Variants in HPS6 observed in about 807,000 individuals in gnomAD.
HPS6 encodes the protein HPS6 biogenesis of lysosomal organelles complex 2 subunit 3.
Under a neutral mutation model 53.6 loss-of-function variants are expected in HPS6, and 46 were observed. The ratio of observed to expected loss-of-function variants is 0.86; its 90% confidence interval spans 0.68 to 1.10. The LOEUF (loss-of-function observed/expected upper bound fraction) is 1.10, where lower values mean the gene tolerates loss of function less well. HPS6 is among the 50% of genes least tolerant of loss of function. The probability of loss-of-function intolerance (pLI) is 0.00; values close to 1 mark genes in which losing one functional copy is unlikely to be tolerated. For synonymous variants in HPS6, 535 were observed against 470.8 expected, an observed-to-expected ratio of 1.14 and a Z score of -1.77; for missense variants, 1,034 against 991.3, an observed-to-expected ratio of 1.04 and a Z score of -0.58.
In HPS6 at chr10:102,066,068, A is replaced by G. The variant is rs890991367; in HGVS notation, c.594A>G (p.Arg198=). The change falls in exon 1 of 1, where the codon AGA becomes AGG. Residue 198 remains arginine (R), a synonymous_variant. Coordinates refer to ENST00000299238, the MANE Select transcript of HPS6 (RefSeq NM_024747.6). ...CPAFGLLASC[R]QLFLVPTATT... ...CCTTCGGGCTGCTGGCCTCCTGCAG[A>G]CAACTCTTCCTGGTGCCCACTGCCA... The G allele has an allele frequency of 6.2e-7, 1 of 1,612,010 alleles. No homozygotes were observed. The highest frequency in any genetic ancestry group is 8.5e-7 in the Non-Finnish European group (1 of 1,180,012).
In HPS6 at chr10:102,067,252, C is replaced by T. The variant is rs144363206; in HGVS notation, c.1778C>T (p.Pro593Leu). Reference sequence around the variant, plus strand: ...GAGCTGGCACAGCAGCAGGGCGGGCCGGGCTGGGGGGCAGGGGGCCCAGGA... The same window carrying T: ...GAGCTGGCACAGCAGCAGGGCGGGCTGGGCTGGGGGGCAGGGGGCCCAGGA... Reference protein sequence around the residue: ...FVELAQQQGGPGWGAGGPGLP... With the variant: ...FVELAQQQGGLGWGAGGPGLP... Residue 593 changes from proline to leucine, a missense_variant, in exon 1 of 1, where the codon CCG (proline) becomes CTG (leucine). Pro to Leu is a moderately conservative substitution (Grantham distance 98). Transcript: ENST00000299238. The T allele has an allele frequency of 1.9e-4, 198 of 1,023,834 alleles. No homozygotes were observed. The highest frequency in any genetic ancestry group is 1.3e-3 in the African/African-American group (79 of 61,686). 63.4% of individuals were successfully genotyped at this position (1,023,834 alleles called of 1,614,324 possible).
At position 102,065,951 on chromosome 10, in the gene HPS6, C is replaced by T. The variant is rs373651902; in HGVS notation, c.477C>T (p.Phe159=). ...EGPSGSPAAA[F]SHCVCVRTLE... ...CGTCAGGGTCGCCAGCAGCCGCTTT[C>T]AGCCACTGTGTGTGCGTCCGGACTC... The change falls in exon 1 of 1, where the codon TTC becomes TTT. Residue 159 remains phenylalanine, a synonymous_variant. Transcript: ENST00000299238. 1.1e-5 allele frequency: 17 copies of T among 1,590,966 alleles called. No homozygotes were observed. The highest frequency in any genetic ancestry group is 3.3e-5 in the South Asian group (3 of 90,010).
At position 102,066,227 on chromosome 10, in the gene HPS6, C is replaced by G. The variant is rs2067968935; in HGVS notation, c.753C>G (p.Phe251Leu). The G allele has an allele frequency of 6.2e-7, 1 of 1,613,818 alleles. No individual in the cohort carries two copies. The highest frequency in any genetic ancestry group is 8.5e-7 in the Non-Finnish European group (1 of 1,180,020). The change falls in exon 1 of 1, where the codon TTC becomes TTG. Residue 251 changes from phenylalanine (F) to leucine (L), a missense_variant. Physicochemically the swap from Phe to Leu is conservative, Grantham distance 22. Transcript: ENST00000299238. Reference sequence around the variant, plus strand: ...CTGGACGAGGGGACACATGGGACTTCCGGACCCTGCTCCGAGGCCTTCCTG... The same window carrying G: ...CTGGACGAGGGGACACATGGGACTTGCGGACCCTGCTCCGAGGCCTTCCTG... ...LNPGRGDTWD[F>L]RTLLRGLPGL...
chr10:102,066,700 G>A lies in HPS6; in HGVS notation c.1226G>A (p.Gly409Glu). The A allele has an allele frequency of 6.2e-7, 1 of 1,613,940 alleles. No homozygotes were observed. The highest frequency in any genetic ancestry group is 8.5e-7 in the Non-Finnish European group (1 of 1,179,996). Residue 409 changes from glycine to glutamate, a missense_variant, in exon 1 of 1, where the codon GGG becomes GAG. By Grantham distance (98) the Gly-to-Glu change is moderately conservative. Transcript: ENST00000299238. Reference sequence around the variant, plus strand: ...GATCTGGTGTTTGAGGAGGCCTGCGGGTACTACCAGCGGCGGAGCCTGCGG... The same window carrying A: ...GATCTGGTGTTTGAGGAGGCCTGCGAGTACTACCAGCGGCGGAGCCTGCGG... ...AKDLVFEEAC[G>E]YYQRRSLRGA...
Position 102,067,024 on chromosome 10 carries a change from C to G in HPS6, c.1550C>G (p.Ala517Gly), listed in dbSNP as rs2067976589. 6.2e-7 allele frequency: 1 copy of G among 1,614,064 alleles called. No individual in the cohort carries two copies. Among genetic ancestry groups the G allele is most frequent in the Non-Finnish European group, 8.5e-7 (1 of 1,180,028 alleles). ...GTTTTCCAAGCCCTTCCTACAGCAG[C>G]CTGGGGTGCCACCCTCAGGGCCCTG... Reference protein sequence around the residue: ...NTVFQALPTAAWGATLRALQL... With the variant: ...NTVFQALPTAGWGATLRALQL... Residue 517 changes from alanine (A) to glycine (G), a missense_variant, in exon 1 of 1, where the codon GCC becomes GGC. By Grantham distance (60) the Ala-to-Gly change is moderately conservative. Coordinates refer to ENST00000299238, the MANE Select transcript of HPS6 (RefSeq NM_024747.6).
Position 102,065,724 on chromosome 10 carries a change from C to T in HPS6, c.250C>T (p.Leu84=), listed in dbSNP as rs577275873. The change falls in exon 1 of 1, where the codon CTG becomes TTG. Residue 84 remains leucine, a synonymous_variant. Coordinates refer to ENST00000299238, the MANE Select transcript of HPS6 (RefSeq NM_024747.6). Reference sequence around the variant, plus strand: ...GCCCTCCCCGCTGGACGCCTTCTTCCTGCCGTGGCCAGCGCGGCCGGCGCT... The same window carrying T: ...GCCCTCCCCGCTGGACGCCTTCTTCTTGCCGTGGCCAGCGCGGCCGGCGCT... ...GQPSPLDAFF[L]PWPARPALVL... 3.7e-5 allele frequency: 56 copies of T among 1,503,674 alleles called. No homozygotes were observed. The highest frequency in any genetic ancestry group is 4.7e-5 in the Non-Finnish European group (53 of 1,134,246). 93.1% of individuals were successfully genotyped at this position (1,503,674 alleles called of 1,614,324 possible).
In HPS6 at chr10:102,066,085, C is replaced by T. The variant is rs1358522846; in HGVS notation, c.611C>T (p.Pro204Leu). The T allele has an allele frequency of 1.2e-6, 2 of 1,612,920 alleles. No homozygotes were observed. Among genetic ancestry groups the T allele is most frequent in the African/African-American group, 1.3e-5 (1 of 74,954 alleles). Residue 204 changes from proline to leucine, a missense_variant, in exon 1 of 1, where the codon CCC (proline) becomes CTC (leucine). By Grantham distance (98) the Pro-to-Leu change is moderately conservative. Coordinates refer to ENST00000299238, the MANE Select transcript of HPS6 (RefSeq NM_024747.6). Reference sequence around the variant, plus strand: ...TCCTGCAGACAACTCTTCCTGGTGCCCACTGCCACCACCTGGCCTGGCGTG... The same window carrying T: ...TCCTGCAGACAACTCTTCCTGGTGCTCACTGCCACCACCTGGCCTGGCGTG... ...LASCRQLFLVPTATTWPGVAH... is the reference protein window; with the variant it reads ...LASCRQLFLVLTATTWPGVAH...
Position 102,067,368 on chromosome 10 carries a change from CG to C in HPS6, c.1896del (p.Pro633LeufsTer76), listed in dbSNP as rs1564899969. ...GCTAGAGCTGCTCTTGAGCAGTGGG[CG>C]GCCTAAAGCTGTGCTCCAAGCTGTC... is the stretch of plus-strand genomic sequence containing the variant. ...LELELLLSSG[R>X]PKAVLQAVGQ... On this transcript the variant is annotated frameshift_variant, in exon 1 of 1. Coordinates refer to ENST00000299238, the MANE Select transcript of HPS6 (RefSeq NM_024747.6). LOFTEE classifies it high-confidence loss of function. The C allele has an allele frequency of 6.2e-7, 1 of 1,612,800 alleles. No homozygotes were observed. Among genetic ancestry groups the C allele is most frequent in the Admixed American group, 1.7e-5 (1 of 60,032 alleles).
At position 102,065,706 on chromosome 10, in the gene HPS6, C is replaced by A; in HGVS notation, c.232C>A (p.Pro78Thr). The A allele has an allele frequency of 1.3e-6, 2 of 1,509,258 alleles. No individual in the cohort carries two copies. Among genetic ancestry groups the A allele is most frequent in the East Asian group, 2.7e-5 (1 of 37,554 alleles). The allele number at this position is 1,509,258 out of a possible 1,614,324, so 93.5% of individuals were successfully genotyped here. Residue 78 changes from proline (P) to threonine (T), a missense_variant, in exon 1 of 1, where the codon CCG (proline) becomes ACG (threonine). Physicochemically the swap from Pro to Thr is conservative, Grantham distance 38. Transcript: ENST00000299238. The part of the protein sequence containing the change: ...ERAWPAGQPS[P>T]LDAFFLPWPA... ...GGCCTGGCCGGCCGGCCAGCCCTCC[C>A]CGCTGGACGCCTTCTTCCTGCCGTG...
Position 102,066,891 on chromosome 10 carries a change from G to A in HPS6, c.1417G>A (p.Val473Met), listed in dbSNP as rs542540023. ...RGLEQLKAQL[V>M]AGDDEEAGWT... ...CTTAGAACAGCTGAAGGCCCAGCTGGTGGCTGGGGATGATGAGGAGGCTGG... is the reference window on the plus strand; with the variant it reads ...CTTAGAACAGCTGAAGGCCCAGCTGATGGCTGGGGATGATGAGGAGGCTGG... Residue 473 changes from valine (V) to methionine (M), a missense_variant, in exon 1 of 1, where the codon GTG becomes ATG. By Grantham distance (21) the Val-to-Met change is conservative. Transcript: ENST00000299238. 46 of 1,614,104 alleles carry A rather than the reference G, an allele frequency of 2.8e-5. No homozygotes were observed. Among genetic ancestry groups the A allele is most frequent in the Non-Finnish European group, 3.8e-5 (45 of 1,180,042 alleles).
chr10:102,067,911 CAG>C lies in HPS6; in HGVS notation c.*110_*111del. On this transcript the variant is annotated 3_prime_UTR_variant, in exon 1 of 1. Transcript: ENST00000299238. ...GACACAGGAAATCATTTCTAGGACACAGTGATCAGGGAAGGGTGCCTGGGACT... is the reference window on the plus strand; with the variant it reads ...GACACAGGAAATCATTTCTAGGACACTGATCAGGGAAGGGTGCCTGGGACT... 7.5e-7 allele frequency: 1 copy of C among 1,336,584 alleles called. No homozygotes were observed. Among genetic ancestry groups the C allele is most frequent in the Non-Finnish European group, 1.1e-6 (1 of 932,626 alleles). The allele number at this position is 1,336,584 out of a possible 1,614,324, so 82.8% of individuals were successfully genotyped here. A position where few individuals can be genotyped will look rare whatever the true frequency, so the allele number is the denominator to read the frequency against.
Position 102,067,635 on chromosome 10 carries a change from C to A in HPS6, c.2161C>A (p.Pro721Thr). The change falls in exon 1 of 1, where the codon CCA (proline) becomes ACA (threonine). Residue 721 changes from proline (P) to threonine (T), a missense_variant. By Grantham distance (38) the Pro-to-Thr change is conservative. Coordinates refer to ENST00000299238, the MANE Select transcript of HPS6 (RefSeq NM_024747.6). ...YLPDEVGPPT[P>T]FPEPGAEPPL... is the part of the protein sequence containing the mutation. ...CCCAGATGAGGTGGGGCCCCCAACC[C>A]CATTCCCTGAGCCTGGAGCAGAGCC... is the stretch of plus-strand genomic sequence containing the variant. 1 of 1,614,016 alleles carries A rather than the reference C, an allele frequency of 6.2e-7. No homozygotes were observed. The highest frequency in any genetic ancestry group is 8.5e-7 in the Non-Finnish European group (1 of 1,180,038).
chr10:102,066,986 C>G lies in HPS6; in HGVS notation c.1512C>G (p.Ala504=). ...CTGAGTTGATAGGAGACCAGCTAGCCCAGCTCAACACCGTTTTCCAAGCCC... is the reference window on the plus strand; with the variant it reads ...CTGAGTTGATAGGAGACCAGCTAGCGCAGCTCAACACCGTTTTCCAAGCCC... ...LRTELIGDQL[A]QLNTVFQALP... Residue 504 remains alanine, a synonymous_variant, in exon 1 of 1, where the codon GCC becomes GCG. Transcript: ENST00000299238. 1 of 1,614,126 alleles carries G rather than the reference C, an allele frequency of 6.2e-7. No homozygotes were observed. The highest frequency in any genetic ancestry group is 8.5e-7 in the Non-Finnish European group (1 of 1,180,018).
In HPS6 at chr10:102,066,395, AC is replaced by A; in HGVS notation, c.923del (p.Pro308LeufsTer2). On this transcript the variant is annotated frameshift_variant, in exon 1 of 1. Transcript: ENST00000299238. LOFTEE classifies it high-confidence loss of function. ...TRAVGTLQEA[P>X]VGPWGSAALG... ...GGGCTGTGGGCACCCTGCAGGAGGC[AC>A]CTGTAGGCCCGTGGGGGTCTGCAGC... 6.2e-7 allele frequency: 1 copy of A among 1,613,986 alleles called. No homozygotes were observed. The highest frequency in any genetic ancestry group is 1.3e-5 in the African/African-American group (1 of 75,058).
Position 102,067,341 on chromosome 10 carries a change from G to A in HPS6, c.1867G>A (p.Glu623Lys), listed in dbSNP as rs2067979569. The A allele has an allele frequency of 1.9e-6, 3 of 1,613,192 alleles. No individual in the cohort carries two copies. The highest frequency in any genetic ancestry group is 2.2e-5 in the South Asian group (2 of 91,090). The change falls in exon 1 of 1, where the codon GAG becomes AAG. Residue 623 changes from glutamate to lysine, a missense_variant. Coordinates refer to ENST00000299238, the MANE Select transcript of HPS6 (RefSeq NM_024747.6). The stretch of plus-strand genomic sequence containing the variant: ...GGAGGGGACCAGGCCTGAGGCTCTG[G>A]AGCTAGAGCTGCTCTTGAGCAGTGG... ...GEEGTRPEAL[E>K]LELLLSSGRP...
rs2067971306 is a variant in HPS6 at position 102,066,504 on chromosome 10, G to C, written c.1030G>C (p.Glu344Gln). 6.2e-7 allele frequency: 1 copy of C among 1,614,226 alleles called. No individual in the cohort carries two copies. Among genetic ancestry groups the C allele is most frequent in the East Asian group, 2.2e-5 (1 of 44,886 alleles). The change falls in exon 1 of 1, where the codon GAG becomes CAG. Residue 344 changes from glutamate to glutamine, a missense_variant. Glu to Gln is a conservative substitution (Grantham distance 29). Transcript: ENST00000299238. ...LLDMGSGQLL[E>Q]RKVLSTDRVH... ...GGACATGGGCAGTGGGCAGCTGCTG[G>C]AGAGGAAGGTCCTAAGTACAGACAG...
In HPS6 at chr10:102,066,406, C is replaced by T. The variant is rs201878993; in HGVS notation, c.932C>T (p.Pro311Leu). 6 of 1,614,014 alleles carry T rather than the reference C, an allele frequency of 3.7e-6. No homozygotes were observed. In the East Asian group the frequency reaches 8.9e-5, roughly 24 times the overall value. ...VGTLQEAPVG[P>L]WGSAALGTFQ... is the part of the protein sequence containing the mutation. ...ACCCTGCAGGAGGCACCTGTAGGCC[C>T]GTGGGGGTCTGCAGCCCTAGGCACA... Residue 311 changes from proline (P) to leucine (L), a missense_variant, in exon 1 of 1, where the codon CCG becomes CTG. Pro to Leu is a moderately conservative substitution (Grantham distance 98). Coordinates refer to ENST00000299238, the MANE Select transcript of HPS6 (RefSeq NM_024747.6).
In HPS6 at chr10:102,067,140, G is replaced by A; in HGVS notation, c.1666G>A (p.Glu556Lys). 1 of 1,613,968 alleles carries A rather than the reference G, an allele frequency of 6.2e-7. No individual in the cohort carries two copies. Among genetic ancestry groups the A allele is most frequent in the Non-Finnish European group, 8.5e-7 (1 of 1,180,034 alleles). ...KVLGGITAGK[E>K]PPNGILPPFE... ...GTTAGGGGGAATAACCGCTGGAAAG[G>A]AACCCCCCAATGGAATACTGCCCCC... Residue 556 changes from glutamate (E) to lysine (K), a missense_variant, in exon 1 of 1, where the codon GAA becomes AAA. Glu to Lys is a moderately conservative substitution (Grantham distance 56, BLOSUM62 1). Coordinates refer to ENST00000299238, the MANE Select transcript of HPS6 (RefSeq NM_024747.6).
In HPS6 at chr10:102,067,670, T is replaced by C; in HGVS notation, c.2196T>C (p.Thr732=). 1 of 1,613,940 alleles carries C rather than the reference T, an allele frequency of 6.2e-7. No individual in the cohort carries two copies. Among genetic ancestry groups the C allele is most frequent in the Non-Finnish European group, 8.5e-7 (1 of 1,180,028 alleles). ...AGCCTGGAGCAGAGCCCCCTCTCAC[T>C]GTGGGCTTGCTCAAAGCCCTGCTGG... ...FPEPGAEPPL[T]VGLLKALLEQ... The change falls in exon 1 of 1, where the codon ACT becomes ACC. Residue 732 remains threonine (T), a synonymous_variant. Coordinates refer to ENST00000299238, the MANE Select transcript of HPS6 (RefSeq NM_024747.6).
Sources: gnomAD v4.1 joint callset for allele counts on GRCh38, gnomAD v4.1.1 for gene constraint, MANE v1.5 for transcripts, NCBI Gene and HGNC (gene_info 2026-07-23, HGNC 2026-07-21) for gene names.